The following HMMR variants were observed in gnomAD, a reference collection of about 807,000 sequenced individuals.
HMMR encodes intracellular hyaluronic acid-binding protein.
A neutral mutation model predicts 101.0 loss-of-function variants in HMMR; 108 were observed. The observed-to-expected ratio is 1.07, with a 90% CI of 0.92 to 1.25. The LOEUF is 1.25. HMMR is among the 50% of genes most tolerant of loss of function. The pLI is 0.00. For synonymous variants in HMMR, 296 were observed against 276.4 expected (o/e 1.07, Z -0.70); for missense variants, 813 against 788.7 (o/e 1.03, Z -0.37).
intron 4 of HMMR, among the ~76,000 whole-genome samples, chr5:163,468,054 C>T (rs1402732690): frequency 6.6e-6 from 1 of 152,228 alleles, no homozygotes; most frequent in Non-Finnish European, 1.5e-5. Flanking sequence ...ATCTATCCAT[C>T]GTTCACAGTC....
chr5:163,477,240 C>T (rs1219605871), intron 11 of HMMR, among the ~76,000 whole-genome samples: 1 of 152,186 alleles, frequency 6.6e-6, no homozygotes, highest in Non-Finnish European at 1.5e-5. Context: ...AGGTTAGTGA[C>T]AAACACTACT....
At position 163,473,439 on chromosome 5, in the gene HMMR, GAA is replaced by G; in HGVS notation, c.788_789del (p.Lys263ArgfsTer4). 6.2e-7 allele frequency: 1 copy of G among 1,610,422 alleles called. No individual in the cohort carries two copies. Among genetic ancestry groups the G allele is most frequent in the Non-Finnish European group, 8.5e-7 (1 of 1,177,516 alleles). On this transcript the variant is annotated frameshift_variant, in exon 9 of 18. Coordinates refer to ENST00000393915, the MANE Select transcript of HMMR (RefSeq NM_001142556.2). LOFTEE classifies it high-confidence loss of function. ...ATATTGCCCAGTTAGAAGAAAATTT[GAA>G]AGAGAAGAATGATGAAATTTTAAGC... ...LDIAQLEENLKEKNDEILSLK... is the reference protein window; with the variant it reads ...LDIAQLEENLXEKNDEILSLK...
At position 163,464,718 on chromosome 5, in the gene HMMR, C is replaced by T. The variant is rs200938823; in HGVS notation, c.146-5C>T. On this transcript the variant is annotated splice_region_variant and splice_polypyrimidine_tract_variant and intron_variant, in intron 2 of 17. Transcript: ENST00000393915. ...CCATGATCTGTACAATTCATTTTTC[C>T]GCAGAATCTAAACAAAATCTTAATG... is the stretch of plus-strand genomic sequence containing the variant. The T allele has an allele frequency of 5.1e-5, 82 of 1,595,052 alleles. No homozygotes were observed. The East Asian group carries it at 6.9e-4, about 13-fold the overall frequency.
At chr5:163,481,879 A>G (rs1217984280) in intron 12 of HMMR, among the ~76,000 whole-genome samples, 1 of 152,118 alleles carries the variant, frequency 6.6e-6, no homozygotes, top group Non-Finnish European at 1.5e-5. Flanking sequence ...ATAGCTCTAG[A>G]GTGAGCTACA....
At chr5:163,486,332 G>C (rs1759475310) in intron 16 of HMMR, among the ~76,000 whole-genome samples, 1 of 152,038 alleles carries the variant, frequency 6.6e-6, no homozygotes, top group African/African-American at 2.4e-5. Flanking sequence ...ATAGTTTTCA[G>C]AGTATAAGTT....
chr5:163,460,764 G>T (rs372803268), intron 1 of HMMR, 26 bp downstream of exon 1: 1 of 1,598,134 alleles, frequency 6.3e-7, no homozygotes, highest in Non-Finnish European at 8.5e-7. Flanking sequence ...AGAGCTGGGG[G>T]ACGGGAGACG....
At chr5:163,489,096 G>A (rs1759585745) in intron 16 of HMMR, among the ~76,000 whole-genome samples, 1 of 152,186 alleles carries the variant, frequency 6.6e-6, no homozygotes, top group Non-Finnish European at 1.5e-5. Flanking sequence ...CAGATCATGA[G>A]GCATTAGATT....
intron 16 of HMMR, among the ~76,000 whole-genome samples, chr5:163,485,890 T>C (rs116255556): frequency 6.6e-6 from 1 of 150,970 alleles, no homozygotes; most frequent in African/African-American, 2.5e-5. Flanking sequence ...CCCCACACTA[T>C]TTTTTAAAGA....
rs1759347498 is a variant in HMMR at position 163,483,385 on chromosome 5, A to C, written c.1785+18A>C. 7.5e-7 allele frequency: 1 copy of C among 1,341,148 alleles called. No individual in the cohort carries two copies. Among genetic ancestry groups the C allele is most frequent in the Non-Finnish European group, 1.1e-6 (1 of 941,982 alleles). The allele number at this position is 1,341,148 out of a possible 1,614,324, so 83.1% of individuals were successfully genotyped here. A position where few individuals can be genotyped will look rare whatever the true frequency, so the allele number is the denominator to read the frequency against. ...CTTTTCAGGTTTGTCAGTTAGGAGT[A>C]AACTTACTTGTGTTTATTTTAGGGA... On this transcript the variant is annotated intron_variant, in intron 15 of 17. Coordinates refer to ENST00000393915, the MANE Select transcript of HMMR (RefSeq NM_001142556.2).
At chr5:163,464,485 G>A (rs1313241153) in intron 2 of HMMR, among the ~76,000 whole-genome samples, 1 of 152,084 alleles carries the variant, frequency 6.6e-6, no homozygotes, top group Non-Finnish European at 1.5e-5. Flanking sequence ...GTGTGGTGGG[G>A]TGCGCCTGTG....
At chr5:163,479,373 G>A (rs1259495200) in intron 12 of HMMR, among the ~76,000 whole-genome samples, 1 of 152,114 alleles carries the variant, frequency 6.6e-6, no homozygotes, top group African/African-American at 2.4e-5. Context: ...ACATCTGTCT[G>A]TAAAATATAT....
intron 3 of HMMR, among the ~76,000 whole-genome samples, chr5:163,466,886 T>A (rs891881576): frequency 6.6e-6 from 1 of 152,198 alleles, no homozygotes; most frequent in Non-Finnish European, 1.5e-5. Context: ...AGACACTCTT[T>A]TCTTAGAAAT....
At chr5:163,466,136 C>T (rs1305938292) in intron 3 of HMMR, among the ~76,000 whole-genome samples, 1 of 151,666 alleles carries the variant, frequency 6.6e-6, no homozygotes, top group South Asian at 2.1e-4. Context: ...TGTGGTGGCA[C>T]GTACCTGTAA....
At chr5:163,468,005 T>C (rs1758756936) in intron 4 of HMMR, among the ~76,000 whole-genome samples, 1 of 152,264 alleles carries the variant, frequency 6.6e-6, no homozygotes, top group African/African-American at 2.4e-5. Context: ...AATCATTATG[T>C]CAGTTGATTA....
chr5:163,476,948 T>C (rs977654309), intron 11 of HMMR, among the ~76,000 whole-genome samples: 13 of 152,180 alleles, frequency 8.5e-5, no homozygotes, highest in Middle Eastern at 3.4e-3. Flanking sequence ...GGAGAATTGC[T>C]TGAACCCAGG....
chr5:163,482,686 A>G lies in HMMR; in HGVS notation c.1430A>G (p.Glu477Gly), dbSNP rs759930197. ...TASEIEDLKL[E>G]NSSLQEKAAK... ...AGTGAGATAGAAGATCTTAAGCTGGAGAACTCATCATTACAGGAAAAAGCG... is the reference window on the plus strand; with the variant it reads ...AGTGAGATAGAAGATCTTAAGCTGGGGAACTCATCATTACAGGAAAAAGCG... Residue 477 changes from glutamate (E) to glycine (G), a missense_variant, in exon 13 of 18, where the codon GAG becomes GGG. Physicochemically the swap from Glu to Gly is moderately conservative, Grantham distance 98 (BLOSUM62 -2). Coordinates refer to ENST00000393915, the MANE Select transcript of HMMR (RefSeq NM_001142556.2). 1.2e-6 allele frequency: 2 copies of G among 1,612,264 alleles called. No homozygotes were observed. Among genetic ancestry groups the G allele is most frequent in the South Asian group, 1.1e-5 (1 of 91,040 alleles).
At position 163,475,564 on chromosome 5, in the gene HMMR, A is replaced by G. The variant is rs1759040835; in HGVS notation, c.1160A>G (p.Asp387Gly). The change falls in exon 11 of 18, where the codon GAT (aspartate) becomes GGT (glycine). Residue 387 changes from aspartate (D) to glycine (G), a missense_variant. Asp to Gly is a moderately conservative substitution (Grantham distance 94). Transcript: ENST00000393915. The part of the protein sequence containing the change: ...EELKQTLDEL[D>G]KLQQKEEQAE... ...TTAAAGCAAACACTGGATGAGCTTG[A>G]TAAATTACAGCAAAAGGAGGAACAA... 1 of 1,612,256 alleles carries G rather than the reference A, an allele frequency of 6.2e-7. No individual in the cohort carries two copies.
chr5:163,479,689 A>G (rs1201584759), intron 12 of HMMR, among the ~76,000 whole-genome samples: 3 of 152,096 alleles, frequency 2.0e-5, no homozygotes, highest in African/African-American at 7.2e-5. Flanking sequence ...AATAAAATAC[A>G]TAAGTTGTTT....
rs2113493343 is a variant in HMMR, at chr5:163,478,758, G to C, written c.1343G>C (p.Ser448Thr). 1 of 1,612,480 alleles carries C rather than the reference G, an allele frequency of 6.2e-7. No individual in the cohort carries two copies. The highest frequency in any genetic ancestry group is 8.5e-7 in the Non-Finnish European group (1 of 1,178,492). Residue 448 changes from serine to threonine, a missense_variant, in exon 12 of 18, where the codon AGT (serine) becomes ACT (threonine). Coordinates refer to ENST00000393915, the MANE Select transcript of HMMR (RefSeq NM_001142556.2). ...CTGCTTTTGCAGGAAAAGTATGACAGTATGGTGCAAAGCCTTGAAGATGTT... is the reference window on the plus strand; with the variant it reads ...CTGCTTTTGCAGGAAAAGTATGACACTATGGTGCAAAGCCTTGAAGATGTT... ...ATLLLQEKYD[S>T]MVQSLEDVTA...
Sources: gnomAD v4.1 joint callset for allele counts (sites outside exome capture counted in the v4.1 genomes callset) on GRCh38, gnomAD v4.1.1 for gene constraint, MANE v1.5 for transcripts, NCBI Gene and HGNC (gene_info 2026-07-23, HGNC 2026-07-21) for gene names.